ABCB11: variants seen among roughly 807,000 people sequenced by gnomAD.
ABCB11 encodes the protein ATP binding cassette subfamily B member 11.
A neutral mutation model predicts 148.0 loss-of-function variants in ABCB11; 95 were observed. The ratio of observed to expected loss-of-function variants is 0.64; its 90% CI spans 0.54 to 0.76. The LOEUF (loss-of-function observed/expected upper bound fraction) is 0.76, where lower values mean the gene tolerates loss of function less well. ABCB11 is among the 30% of genes least tolerant of loss of function. The probability of loss-of-function intolerance (pLI) is 0.00; values close to 1 mark genes in which losing one functional copy is unlikely to be tolerated. For missense variants in ABCB11, 1,523 were observed against 1,617.8 expected (o/e 0.94, Z 1.01); for synonymous variants, 591 against 555.4 (o/e 1.06, Z -0.90).
intron 12 of ABCB11, among the ~76,000 whole-genome samples, chr2:168,974,914 G>A (rs1693749779): frequency 6.7e-6 from 1 of 149,054 alleles, no homozygotes; most frequent in Non-Finnish European, 1.5e-5. Context: ...TATGTAATCA[G>A]AATATATATT....
chr2:168,948,619 T>C (rs921707310), intron 19 of ABCB11, among the ~76,000 whole-genome samples: 7 of 151,644 alleles, frequency 4.6e-5, no homozygotes, highest in African/African-American at 1.7e-4. Context: ...TCAATACAGA[T>C]CTGTCGAGGG....
intron 10 of ABCB11, 63 bp downstream of exon 10, chr2:168,986,047 T>G (rs1175755528): frequency 7.6e-7 from 1 of 1,307,552 alleles, no homozygotes; most frequent in Non-Finnish European, 1.0e-6. Context: ...AAATATCTAA[T>G]CCATGGACTT....
rs1452422851 is a variant in ABCB11 at position 168,993,896 on chromosome 2, A to G, written c.612-14T>C. 5.6e-6 allele frequency: 9 copies of G among 1,596,376 alleles called. No individual in the cohort carries two copies. The highest frequency in any genetic ancestry group is 2.3e-5 in the East Asian group (1 of 44,438). On this transcript the variant is annotated splice_polypyrimidine_tract_variant and intron_variant, in intron 7 of 27. Coordinates refer to ENST00000650372, the MANE Select transcript of ABCB11 (RefSeq NM_003742.4). ...TTATTAATATCACTAGAAACCAGAAAGATTTTGGTCACTAAAACTGAATTT... is the reference window on the plus strand; with the variant it reads ...TTATTAATATCACTAGAAACCAGAAGGATTTTGGTCACTAAAACTGAATTT...
In ABCB11 at chr2:168,970,060, T is replaced by G. The variant is rs767244782; in HGVS notation, c.1794A>C (p.Gln598His). 1.3e-6 allele frequency: 2 copies of G among 1,596,054 alleles called. No homozygotes were observed. The highest frequency in any genetic ancestry group is 1.7e-6 in the Non-Finnish European group (2 of 1,168,534). The part of the protein sequence containing the change: ...ALDNESEAMV[Q>H]EVLSKIQHGH... ...TTCCACAAACCTTACTCAGCACTTC[T>G]TGCACCATGGCTTCACTCTCATTGT... Residue 598 changes from glutamine (Q) to histidine (H), a missense_variant, in exon 15 of 28, where the codon CAA (glutamine) becomes CAC (histidine). Coordinates refer to ENST00000650372, the MANE Select transcript of ABCB11 (RefSeq NM_003742.4).
intron 4 of ABCB11, among the ~76,000 whole-genome samples, chr2:169,013,970 A>G (rs1215420636): frequency 6.6e-6 from 1 of 152,136 alleles, no homozygotes; most frequent in East Asian, 1.9e-4. Context: ...TGGAGTAAAC[A>G]CCTATACTTT....
intron 17 of ABCB11, among the ~76,000 whole-genome samples, chr2:168,966,008 A>T (rs1693301049): frequency 6.6e-6 from 1 of 151,754 alleles, no homozygotes; most frequent in Non-Finnish European, 1.5e-5. Context: ...ACTCATTATG[A>T]CCAGGCATTA....
Position 168,969,471 on chromosome 2 carries a change from T to C in ABCB11, c.1890A>G (p.Glu630=). 1 of 1,612,630 alleles carries C rather than the reference T, an allele frequency of 6.2e-7. No homozygotes were observed. The highest frequency in any genetic ancestry group is 8.5e-7 in the Non-Finnish European group (1 of 1,179,228). ...VRAADTIIGF[E]HGTAVERGTH... ...TCCCTCTTTCCACTGCAGTGCCATG[T>C]TCAAAACCAATGATGGTATCTGCAG... The change falls in exon 16 of 28, where the codon GAA becomes GAG. Residue 630 remains glutamate, a synonymous_variant. Transcript: ENST00000650372.
intron 12 of ABCB11, 26 bp downstream of exon 12, chr2:168,976,551 A>C (rs746038796): frequency 1.5e-6 from 2 of 1,310,870 alleles, no homozygotes; most frequent in Non-Finnish European, 2.1e-6. Context: ...AACATTTACT[A>C]TTCTGGGGAA....
intron 1 of ABCB11, among the ~76,000 whole-genome samples, chr2:169,027,986 A>G (rs1695752298): frequency 6.6e-6 from 1 of 152,112 alleles, no homozygotes; most frequent in African/African-American, 2.4e-5. Context: ...TTACCATCCT[A>G]TTTTATAAAT....
chr2:168,917,765 C>T (rs1690968040), downstream of ABCB11, among the ~76,000 whole-genome samples: 1 of 152,160 alleles, frequency 6.6e-6, no homozygotes, highest in Non-Finnish European at 1.5e-5. Flanking sequence ...ATTGTAGAGA[C>T]AACTGAGATT....
chr2:169,003,483 G>A (rs191286804), intron 5 of ABCB11, among the ~76,000 whole-genome samples: 47 of 151,444 alleles, frequency 3.1e-4, no homozygotes, highest in Non-Finnish European at 4.3e-4. Flanking sequence ...TTATCCACTC[G>A]TTGATTGATG....
At chr2:168,927,913 C>A (rs895737450) in intron 25 of ABCB11, among the ~76,000 whole-genome samples, 21 of 152,166 alleles carry the variant, frequency 1.4e-4, no homozygotes, top group African/African-American at 4.8e-4. Flanking sequence ...CATCCTAAGC[C>A]ATCTATGTCT....
chr2:168,948,499 G>GTT (rs1450965687), intron 19 of ABCB11, among the ~76,000 whole-genome samples: 1 of 104,480 alleles, frequency 9.6e-6, no homozygotes, highest in Non-Finnish European at 2.1e-5. Flanking sequence ...ATGATGAGTG[G>GTT]GTTTTTTTTT....
Position 168,927,306 on chromosome 2 carries a change from A to G in ABCB11, c.3468T>C (p.Ile1156=). The G allele has an allele frequency of 6.2e-7, 1 of 1,613,918 alleles. No homozygotes were observed. Among genetic ancestry groups the G allele is most frequent in the South Asian group, 1.1e-5 (1 of 91,078 alleles). The part of the protein sequence containing the change: ...KVNVQFLRSN[I]GIVSQEPVLF... ...ACACTGGTTCCTGGGAAACAATTCC[A>G]ATGTTTGAGCGGAGGAACTGGACAT... Residue 1156 remains isoleucine, a synonymous_variant, in exon 26 of 28, where the codon ATT becomes ATC. Transcript: ENST00000650372.
chr2:168,959,407 G>A (rs1692951035), intron 18 of ABCB11, among the ~76,000 whole-genome samples: 1 of 151,618 alleles, frequency 6.6e-6, no homozygotes, highest in Non-Finnish European at 1.5e-5. Context: ...GAGTGTAATA[G>A]GCATAGAAAA....
chr2:168,925,710 G>T (rs916204034), intron 26 of ABCB11, among the ~76,000 whole-genome samples: 4 of 152,022 alleles, frequency 2.6e-5, no homozygotes, highest in Non-Finnish European at 4.4e-5. Flanking sequence ...TGCTTCCCTT[G>T]CCTCCTGAGG....
intron 5 of ABCB11, among the ~76,000 whole-genome samples, chr2:169,001,688 G>A (rs1369890425): frequency 6.6e-6 from 1 of 152,140 alleles, no homozygotes; most frequent in East Asian, 1.9e-4. Context: ...AGCAATTATT[G>A]CTTAGAAGTT....
intron 5 of ABCB11, among the ~76,000 whole-genome samples, chr2:169,003,120 C>A (rs1694922117): frequency 6.6e-6 from 1 of 151,892 alleles, no homozygotes; most frequent in Non-Finnish European, 1.5e-5. Context: ...CCCACCCTTT[C>A]CTCCAAGTCC....
chr2:169,028,041 C>A (rs1341887301), intron 1 of ABCB11, among the ~76,000 whole-genome samples: 1 of 152,046 alleles, frequency 6.6e-6, no homozygotes, highest in African/African-American at 2.4e-5. Flanking sequence ...TTTCTATTAT[C>A]TTTGGCTGCT....
Sources: allele counts gnomAD v4.1 joint callset (sites outside exome capture counted in the v4.1 genomes callset), GRCh38; gene constraint gnomAD v4.1.1; transcripts MANE v1.5; gene names NCBI Gene and HGNC (gene_info 2026-07-23, HGNC 2026-07-21).